The following PDE1C variants were observed in gnomAD, a reference collection of about 807,000 sequenced individuals.
PDE1C encodes phosphodiesterase 1C.
Under a neutral mutation model 93.1 loss-of-function variants are expected in PDE1C, and 62 were observed. That is an observed-to-expected ratio of 0.67 (90% CI 0.54 to 0.82). PDE1C has a LOEUF of 0.82. PDE1C is among the 40% of genes least tolerant of loss of function. The pLI is 0.00. For missense variants in PDE1C, 742 were observed against 884.6 expected (o/e 0.84, Z 2.04); for synonymous variants, 325 against 310.1 (o/e 1.05, Z -0.50).
At chr7:32,238,114 C>T (rs1301393835) in intron 1 of PDE1C, among the ~76,000 whole-genome samples, 1 of 152,068 alleles carries the variant, frequency 6.6e-6, no homozygotes, top group Non-Finnish European at 1.5e-5. Context: ...AATCCACAGA[C>T]AAATCATTAG....
chr7:31,895,749 C>T (rs1044168018), intron 2 of PDE1C, among the ~76,000 whole-genome samples: 1 of 151,944 alleles, frequency 6.6e-6, no homozygotes, highest in African/African-American at 2.4e-5. Flanking sequence ...GTGCTGTTCT[C>T]GTGACAGTGA....
intron 3 of PDE1C, among the ~76,000 whole-genome samples, chr7:32,131,857 A>G (rs1023007790): frequency 6.6e-6 from 1 of 152,178 alleles, no homozygotes; most frequent in East Asian, 1.9e-4. Flanking sequence ...AGAGACTCTA[A>G]CTTCATGGAG....
At chr7:31,919,318 T>A (rs1370448214) in intron 2 of PDE1C, among the ~76,000 whole-genome samples, 1 of 152,176 alleles carries the variant, frequency 6.6e-6, no homozygotes, top group Non-Finnish European at 1.5e-5. Context: ...ACGAGATGCA[T>A]AACTTTAGAC....
chr7:32,359,293 A>C (rs1784088731), intron 1 of PDE1C, among the ~76,000 whole-genome samples: 1 of 152,122 alleles, frequency 6.6e-6, no homozygotes, highest in South Asian at 2.1e-4. Context: ...TTCAATACTG[A>C]GGTGTCTTTT....
chr7:32,171,197 C>T (rs1802624782), intron 2 of PDE1C, among the ~76,000 whole-genome samples: 1 of 152,168 alleles, frequency 6.6e-6, no homozygotes, highest in African/African-American at 2.4e-5. Flanking sequence ...GTTGACCTTA[C>T]CATACCTAAA....
At chr7:31,809,666 G>T (rs2128711063) in intron 15 of PDE1C, among the ~76,000 whole-genome samples, 1 of 152,092 alleles carries the variant, frequency 6.6e-6, no homozygotes, top group South Asian at 2.1e-4. Flanking sequence ...CACTTATGAG[G>T]GAATAGTAAG....
At chr7:31,713,193 G>T in the PDE1C span, among the ~76,000 whole-genome samples, 2 of 152,328 alleles carry the variant, frequency 1.3e-5, no homozygotes, top group East Asian at 3.9e-4. Context: ...ATACAATGGG[G>T]ATACAGGTAT....
chr7:31,692,215 G>C, the PDE1C span, among the ~76,000 whole-genome samples: 9 of 152,132 alleles, frequency 5.9e-5, no homozygotes, highest in African/African-American at 1.9e-4. Context: ...AGGGTGGGAG[G>C]GTTCATTTTA....
intron 2 of PDE1C, among the ~76,000 whole-genome samples, chr7:31,939,603 G>T (rs1404433825): frequency 6.6e-6 from 1 of 151,964 alleles, no homozygotes; most frequent in Non-Finnish European, 1.5e-5. Context: ...TAAGAGATGA[G>T]GAATATAAAT....
chr7:32,131,790 T>G (rs1200571990), intron 3 of PDE1C, among the ~76,000 whole-genome samples: 2 of 152,114 alleles, frequency 1.3e-5, no homozygotes, highest in East Asian at 3.9e-4. Flanking sequence ...CACCTCTTTA[T>G]TTACCAAAAC....
At chr7:31,684,626 C>A in the PDE1C span, among the ~76,000 whole-genome samples, 1 of 151,994 alleles carries the variant, frequency 6.6e-6, no homozygotes, top group African/African-American at 2.4e-5. Context: ...AACATTTCAC[C>A]AGAGAAACTA....
chr7:31,835,980 C>T (rs78013257), intron 11 of PDE1C, among the ~76,000 whole-genome samples: 4,078 of 152,224 alleles, frequency 0.027, 74 homozygotes, highest in Non-Finnish European at 0.044. Context: ...TGTCAGTTTG[C>T]GGGACGAAGT....
At chr7:32,330,931 T>C (rs1343367897) in intron 1 of PDE1C, among the ~76,000 whole-genome samples, 1 of 152,194 alleles carries the variant, frequency 6.6e-6, no homozygotes, top group East Asian at 1.9e-4. Context: ...TTCCTTCTGC[T>C]TATGCACACT....
chr7:31,706,920 T>A, the PDE1C span, among the ~76,000 whole-genome samples: 1 of 152,234 alleles, frequency 6.6e-6, no homozygotes, highest in Admixed American at 6.5e-5. Flanking sequence ...CATCCCGCCA[T>A]GCTGCAAGCT....
At chr7:32,229,153 A>G (rs1237453742) in intron 1 of PDE1C, among the ~76,000 whole-genome samples, 1 of 152,180 alleles carries the variant, frequency 6.6e-6, no homozygotes, top group Non-Finnish European at 1.5e-5. Flanking sequence ...TTTCAGAGCA[A>G]CTTCTCTATA....
intron 17 of PDE1C, among the ~76,000 whole-genome samples, chr7:31,755,334 C>T (rs911330295): frequency 6.6e-6 from 1 of 152,138 alleles, no homozygotes; most frequent in African/African-American, 2.4e-5. Context: ...GGCATTCACA[C>T]ATATATTGTC....
At chr7:32,096,436 C>T (rs1355997033) in intron 3 of PDE1C, among the ~76,000 whole-genome samples, 2 of 152,188 alleles carry the variant, frequency 1.3e-5, no homozygotes, top group Non-Finnish European at 2.9e-5. Flanking sequence ...CCATAGGGTG[C>T]ATAAAATGTC....
At chr7:31,814,720 C>T (rs939530487) in intron 15 of PDE1C, among the ~76,000 whole-genome samples, 34 of 148,472 alleles carry the variant, frequency 2.3e-4, no homozygotes, top group African/African-American at 8.2e-4. Context: ...GCAGTCAATA[C>T]ATGCTATTTG....
At chr7:32,031,420 G>A (rs746370682) in intron 2 of PDE1C, among the ~76,000 whole-genome samples, 20 of 152,110 alleles carry the variant, frequency 1.3e-4, no homozygotes, top group Non-Finnish European at 2.6e-4. Context: ...TAGCAGAGCT[G>A]GAATCTAAAC....
Sources: gnomAD v4.1 joint callset for allele counts (sites outside exome capture counted in the v4.1 genomes callset) on GRCh38, gnomAD v4.1.1 for gene constraint, MANE v1.5 for transcripts, NCBI Gene and HGNC (gene_info 2026-07-23, HGNC 2026-07-21) for gene names.